The following G3BP2 variants were observed in gnomAD, a reference collection of about 807,000 sequenced individuals.
The protein encoded by G3BP2 is ras GTPase-activating protein-binding protein 2.
A neutral mutation model predicts 56.7 loss-of-function variants in G3BP2; 11 were observed. The ratio of observed to expected loss-of-function variants is 0.19; its 90% CI spans 0.12 to 0.32. The LOEUF (loss-of-function observed/expected upper bound fraction) is 0.32. Among genes scored for constraint, G3BP2 ranks in the 10% least tolerant of loss-of-function variants. G3BP2 has a pLI of 1.00. For synonymous variants in G3BP2, 165 were observed against 191.6 expected, an observed-to-expected ratio of 0.86 and a Z score of 1.15; for missense variants, 340 against 610.9, an observed-to-expected ratio of 0.56 and a Z score of 4.67.
chr4:75,694,988 T>C (rs1055387494), intron 3 of G3BP2: 2 of 960,468 alleles, frequency 2.1e-6, no homozygotes, highest in Non-Finnish European at 1.2e-6. Context: ...CAAGACCCGA[T>C]GAATATCCGG....
rs183959214 is a variant in G3BP2, at chr4:75,705,384, A to T, written c.-25+15493T>A. On this transcript the variant is annotated intron_variant, in intron 3 of 3. Coordinates refer to the G3BP2 transcript ENST00000499709. The stretch of plus-strand genomic sequence containing the variant: ...AAATCATGTTTTACCATTTCAACAG[A>T]AGTCTGGAATTATAGACCAGAGCCA... Among the ~76,000 whole-genome samples the T allele has an allele frequency of 4.6e-5, 7 of 152,354 alleles. No homozygotes were observed. In the East Asian group the frequency reaches 1.3e-3, roughly 29 times the overall value.
At chr4:75,697,344 T>C (rs1335776750) in intron 3 of G3BP2, among the ~76,000 whole-genome samples, 1 of 144,690 alleles carries the variant, frequency 6.9e-6, no homozygotes, top group Non-Finnish European at 1.5e-5. Flanking sequence ...TTATGGATGA[T>C]ATGATGTCTG....
intron 2 of G3BP2, among the ~76,000 whole-genome samples, chr4:75,661,288 C>T (rs1732530089): frequency 6.6e-6 from 1 of 151,994 alleles, no homozygotes; most frequent in African/African-American, 2.4e-5. Context: ...GCCACACACC[C>T]GGCTAATTTT....
chr4:75,667,296 A>AAT (rs1312931143), intron 1 of G3BP2, among the ~76,000 whole-genome samples: 1 of 151,900 alleles, frequency 6.6e-6, no homozygotes, highest in East Asian at 1.9e-4. Flanking sequence ...TTTAAAAAAA[A>AAT]AAAAAAAAAG....
chr4:75,701,577 CA>C (rs1719346370), intron 3 of G3BP2, among the ~76,000 whole-genome samples: 1 of 152,128 alleles, frequency 6.6e-6, no homozygotes, highest in Admixed American at 6.5e-5. Flanking sequence ...TACAGGCATG[CA>C]CCACCATGCC....
At chr4:75,707,603 C>CAAAA (rs34253273) in intron 3 of G3BP2, among the ~76,000 whole-genome samples, 29 of 116,774 alleles carry the variant, frequency 2.5e-4, no homozygotes, top group African/African-American at 6.4e-4. Context: ...GAGCGAGACT[C>CAAAA]AAAAAAAAAA....
At position 75,651,386 on chromosome 4, in the gene G3BP2, TA is replaced by T. The variant is rs1578382526; in HGVS notation, c.825+2596del. Among the ~76,000 whole-genome samples, 3 of 152,242 alleles carry T rather than the reference TA, an allele frequency of 2.0e-5. No homozygotes were observed. In the East Asian group the frequency reaches 5.8e-4, roughly 29 times the overall value. ...ACACGAGTAACTACAAGTAGCAAAA[TA>T]AAGTTCTTCCTTATTCTTTAAGGAT... On this transcript the variant is annotated intron_variant, in intron 8 of 11. Transcript: ENST00000359707.
intron 1 of G3BP2, among the ~76,000 whole-genome samples, chr4:75,669,334 T>C (rs114466031): frequency 0.012 from 1,813 of 152,346 alleles, 35 homozygotes; most frequent in African/African-American, 0.042. Flanking sequence ...TCTTCTCAAC[T>C]TGAAAGCTCA....
At chr4:75,669,486 G>A (rs1578409989) in intron 1 of G3BP2, among the ~76,000 whole-genome samples, 2 of 152,116 alleles carry the variant, frequency 1.3e-5, no homozygotes, top group African/African-American at 4.8e-5. Context: ...TGTATCACGT[G>A]TAGTATATAC....
chr4:75,657,652 A>G lies in G3BP2; in HGVS notation c.256T>C (p.Leu86=), dbSNP rs750375447. 3.7e-6 allele frequency: 6 copies of G among 1,611,880 alleles called. No homozygotes were observed. The Admixed American group carries it at 1.0e-4, about 27-fold the overall frequency. Residue 86 remains leucine (L), a synonymous_variant, in exon 4 of 12, where the codon TTG becomes CTG. Coordinates refer to ENST00000359707, the MANE Select transcript of G3BP2 (RefSeq NM_203505.3). ...ACCTGGACAACTACTCCATCACTCA[A>G]GGTTGCATGAGCATCCACATGACGA... The part of the protein sequence containing the change: ...KIRHVDAHAT[L]SDGVVVQVMG...
chr4:75,660,849 A>G (rs1732497069), intron 2 of G3BP2, among the ~76,000 whole-genome samples: 1 of 152,202 alleles, frequency 6.6e-6, no homozygotes, highest in African/African-American at 2.4e-5. Context: ...AAGATACACC[A>G]AGAAGAACAA....
At chr4:75,720,433 C>A (rs1720117791) in intron 3 of G3BP2, among the ~76,000 whole-genome samples, 1 of 148,714 alleles carries the variant, frequency 6.7e-6, no homozygotes, top group Non-Finnish European at 1.5e-5. Flanking sequence ...ACCCAGGAGG[C>A]AGAGCTTGCA....
chr4:75,648,830 A>C (rs189878448), intron 8 of G3BP2, 89 bp from the exon 9 acceptor site: 1 of 690,942 alleles, frequency 1.4e-6, no homozygotes, highest in Non-Finnish European at 2.5e-6. Context: ...ACTAGCAGAC[A>C]TAACAGTAGT....
At chr4:75,653,601 A>AG (rs528490452) in intron 8 of G3BP2, among the ~76,000 whole-genome samples, 1 of 151,042 alleles carries the variant, frequency 6.6e-6, no homozygotes, top group African/African-American at 2.4e-5. Flanking sequence ...AAAAAAAAAA[A>AG]AAAAACAAAA....
intron 3 of G3BP2, among the ~76,000 whole-genome samples, chr4:75,683,036 G>A (rs1643903317): frequency 6.6e-6 from 1 of 151,802 alleles, no homozygotes; most frequent in African/African-American, 2.4e-5. Flanking sequence ...ACAGCGCATT[G>A]TGACTTTCTT....
chr4:75,717,348 G>A (rs1448244122), intron 3 of G3BP2, among the ~76,000 whole-genome samples: 1 of 152,100 alleles, frequency 6.6e-6, no homozygotes, highest in Non-Finnish European at 1.5e-5. Context: ...GCTGAGATGG[G>A]AGGATCGCTT....
At chr4:75,688,400 G>A (rs551013178) in intron 3 of G3BP2, among the ~76,000 whole-genome samples, 16 of 152,266 alleles carry the variant, frequency 1.1e-4, no homozygotes, top group African/African-American at 3.9e-4. Context: ...CCAGTGAAGG[G>A]AGCATATTTA....
At chr4:75,696,027 G>T (rs1719106785) in intron 3 of G3BP2, among the ~76,000 whole-genome samples, 1 of 147,954 alleles carries the variant, frequency 6.8e-6, no homozygotes, top group Admixed American at 6.7e-5. Flanking sequence ...CACCTGAGAT[G>T]AACAGAATCC....
In G3BP2 at chr4:75,671,783, A is replaced by T. The variant is rs530845484; in HGVS notation, c.-25+1425T>A. Among the ~76,000 whole-genome samples the T allele has an allele frequency of 2.6e-5, 4 of 152,354 alleles. No individual in the cohort carries two copies. The South Asian group carries it at 8.3e-4, about 32-fold the overall frequency. ...AAATGTTACTGCCAAAGAAAGGATA[A>T]TTCAATCCTGAGGTTCAAACTCATC... On this transcript the variant is annotated intron_variant, in intron 1 of 11. Coordinates refer to ENST00000359707, the MANE Select transcript of G3BP2 (RefSeq NM_203505.3).
Sources: gnomAD v4.1 joint callset for allele counts (sites outside exome capture counted in the v4.1 genomes callset) on GRCh38, gnomAD v4.1.1 for gene constraint, MANE v1.5 for transcripts, NCBI Gene and HGNC (gene_info 2026-07-23, HGNC 2026-07-21) for gene names.